The following PAX2 variants were observed in gnomAD, a reference collection of about 807,000 sequenced individuals.
PAX2 encodes the protein paired box 2, also known as paired box protein Pax-2.
A neutral mutation model predicts 41.7 loss-of-function variants in PAX2; 9 were observed. The ratio of observed to expected loss-of-function variants is 0.22; its 90% confidence interval spans 0.13 to 0.38. PAX2 has a LOEUF of 0.38. Ranked by LOEUF, PAX2 falls within the 10% of genes least tolerant of loss-of-function variation. PAX2 has a pLI of 1.00. For synonymous variants in PAX2, 221 were observed against 212.7 expected (o/e 1.04, Z -0.34); for missense variants, 418 against 531.6 (o/e 0.79, Z 2.10).
Position 100,747,669 on chromosome 10 carries a change from G to A in PAX2, c.43+1366G>A, listed in dbSNP as rs561809890. ...ATATATTTAGCGTTGCGGGGGTTGG[G>A]GGGGGCGTTTAAAAATACTTCTGGG... On this transcript the variant is annotated intron_variant, in intron 1 of 9. Coordinates refer to ENST00000355243, the MANE Select transcript of PAX2 (RefSeq NM_000278.5). 71 of 984,750 alleles carry A rather than the reference G, an allele frequency of 7.2e-5. No individual in the cohort carries two copies. The Middle Eastern group carries it at 2.1e-3, about 29-fold the overall frequency. The allele number at this position is 984,750 out of a possible 1,614,324, so 61.0% of individuals were successfully genotyped here. A position where few individuals can be genotyped will look rare whatever the true frequency, so the allele number is the denominator to read the frequency against.
chr10:100,777,097 A>G (rs1322802805), intron 3 of PAX2, among the ~76,000 whole-genome samples: 3 of 122,376 alleles, frequency 2.5e-5, no homozygotes, highest in Non-Finnish European at 5.1e-5. Context: ...TGGTACTGTG[A>G]TTTTTTTTTT....
intron 3 of PAX2, among the ~76,000 whole-genome samples, chr10:100,773,056 C>T (rs137875682): frequency 2.0e-5 from 3 of 152,296 alleles, no homozygotes; most frequent in Non-Finnish European, 2.9e-5. Context: ...GGGTGTCTCT[C>T]CCCTGGAGGC....
intron 3 of PAX2, among the ~76,000 whole-genome samples, chr10:100,756,802 C>T (rs773824857): frequency 1.4e-4 from 22 of 152,196 alleles, no homozygotes; most frequent in Admixed American, 7.2e-4. Flanking sequence ...ACACTTCCCC[C>T]GCCCCTCCAA....
At position 100,779,547 on chromosome 10, in the gene PAX2, G is replaced by T. The variant is rs778742674; in HGVS notation, c.460G>T (p.Ala154Ser). The T allele has an allele frequency of 6.3e-7, 1 of 1,596,386 alleles. No homozygotes were observed. Among genetic ancestry groups the T allele is most frequent in the Admixed American group, 1.7e-5 (1 of 57,582 alleles). Reference sequence around the variant, plus strand: ...GCCTTTCCACCCAACGCCGGATGGGGCTGGGACAGGAGTGACCGCCCCTGG... The same window carrying T: ...GCCTTTCCACCCAACGCCGGATGGGTCTGGGACAGGAGTGACCGCCCCTGG... ...QQPFHPTPDG[A>S]GTGVTAPGHT... Residue 154 changes from alanine (A) to serine (S), a missense_variant, in exon 4 of 10, where the codon GCT becomes TCT. Coordinates refer to ENST00000355243, the MANE Select transcript of PAX2 (RefSeq NM_000278.5).
intron 5 of PAX2, among the ~76,000 whole-genome samples, chr10:100,804,855 C>T (rs1471581224): frequency 6.6e-6 from 1 of 152,172 alleles, no homozygotes; most frequent in Non-Finnish European, 1.5e-5. Flanking sequence ...GCAGAAGAAA[C>T]CACAACCACC....
In PAX2 at chr10:100,746,395, G is replaced by C. The variant is rs909628917; in HGVS notation, c.43+92G>C. On this transcript the variant is annotated intron_variant, in intron 1 of 9. Coordinates refer to ENST00000355243, the MANE Select transcript of PAX2 (RefSeq NM_000278.5). ...CGTGGCCCCGGCCCCTCGCGCTCAG[G>C]TCCCATCTTGGAGGCCTCCCTGGCT... 11 of 903,912 alleles carry C rather than the reference G, an allele frequency of 1.2e-5. No individual in the cohort carries two copies. In the East Asian group the frequency reaches 2.6e-4, roughly 22 times the overall value. The allele number at this position is 903,912 out of a possible 1,614,324, so 56.0% of individuals were successfully genotyped here. A position where few individuals can be genotyped will look rare whatever the true frequency, so the allele number is the denominator to read the frequency against.
intron 1 of PAX2, among the ~76,000 whole-genome samples, chr10:100,736,708 C>T (rs1564699294): frequency 6.6e-6 from 1 of 152,106 alleles, no homozygotes; most frequent in Non-Finnish European, 1.5e-5. Flanking sequence ...AATTCCCCTC[C>T]TAGGGCCTTG....
chr10:100,799,120 A>G (rs886106785), intron 5 of PAX2, among the ~76,000 whole-genome samples: 1 of 152,180 alleles, frequency 6.6e-6, no homozygotes, highest in Non-Finnish European at 1.5e-5. Flanking sequence ...CAGAGAGAGC[A>G]CCTTCTGAGC....
At chr10:100,781,434 C>T (rs947746574) in intron 5 of PAX2, 69 bp downstream of exon 5, 31 of 1,558,906 alleles carry the variant, frequency 2.0e-5, no homozygotes, top group East Asian at 1.6e-4. Context: ...GCTCCGGTTT[C>T]GGCCTGGCCT....
rs60896393 is a variant in PAX2, at chr10:100,769,626, G to GAATAAAATAAAATAAAATAA, written c.411-9844_411-9825dup. Among the ~76,000 whole-genome samples, 523 of 126,958 alleles carry GAATAAAATAAAATAAAATAA rather than the reference G, an allele frequency of 4.1e-3. 8 individuals carry two copies. Among genetic ancestry groups the GAATAAAATAAAATAAAATAA allele is most frequent in the African/African-American group, 0.012 (411 of 34,404 alleles). The allele number at this position is 126,958 out of a possible 152,430, so 83.3% of individuals were successfully genotyped here. On this transcript the variant is annotated intron_variant, in intron 3 of 9. Coordinates refer to ENST00000355243, the MANE Select transcript of PAX2 (RefSeq NM_000278.5). ...ACAGTGTGAGACTCCATCTCAAAAAGAATAAAATAAAATAAAATAAAATAA... is the reference window on the plus strand; with the variant it reads ...ACAGTGTGAGACTCCATCTCAAAAAGAATAAAATAAAATAAAATAAAATAAAATAAAATAAAATAAAATAA...
intron 3 of PAX2, among the ~76,000 whole-genome samples, chr10:100,768,684 A>G (rs1846105374): frequency 6.6e-6 from 1 of 152,204 alleles, no homozygotes; most frequent in Non-Finnish European, 1.5e-5. Flanking sequence ...TAAATTTCCC[A>G]AAAAGATCAA....
At chr10:100,767,066 G>A (rs575263670) in intron 3 of PAX2, among the ~76,000 whole-genome samples, 42 of 152,226 alleles carry the variant, frequency 2.8e-4, no homozygotes, top group African/African-American at 8.9e-4. Flanking sequence ...GCTAGCTGCC[G>A]GAATGCGTCA....
Position 100,805,001 on chromosome 10 carries a change from C to CTCTCTCTCTCTCTCTCTCCT in PAX2, c.617-1411_617-1410insCTTCTCTCTCTCTCTCTCTC, listed in dbSNP as rs1218036207. 3.5e-3 allele frequency among the ~76,000 whole-genome samples: 224 copies of CTCTCTCTCTCTCTCTCTCCT among 64,256 alleles called. 4 individuals carry two copies. Among genetic ancestry groups the CTCTCTCTCTCTCTCTCTCCT allele is most frequent in the African/African-American group, 0.022 (210 of 9,480 alleles). The allele number at this position is 64,256 out of a possible 152,430, so 42.2% of individuals were successfully genotyped here. Reference sequence around the variant, plus strand: ...CTTCTCTCTCTCTCTCTCTCTCCTTCTCTCTCTCTCTCTCTCTCACATACA... The same window carrying CTCTCTCTCTCTCTCTCTCCT: ...CTTCTCTCTCTCTCTCTCTCTCCTTCTCTCTCTCTCTCTCTCTCCTTCTCTCTCTCTCTCTCTCACATACA... On this transcript the variant is annotated intron_variant, in intron 5 of 9. Coordinates refer to ENST00000355243, the MANE Select transcript of PAX2 (RefSeq NM_000278.5).
Position 100,826,916 on chromosome 10 carries a change from G to A in PAX2, c.1022-93G>A. 2.3e-6 allele frequency: 2 copies of A among 855,726 alleles called. No homozygotes were observed. The highest frequency in any genetic ancestry group is 2.7e-5 in the South Asian group (2 of 74,134). The allele number at this position is 855,726 out of a possible 1,614,324, so 53.0% of individuals were successfully genotyped here. A position where few individuals can be genotyped will look rare whatever the true frequency, so the allele number is the denominator to read the frequency against. On this transcript the variant is annotated intron_variant, in intron 8 of 9. Coordinates refer to ENST00000355243, the MANE Select transcript of PAX2 (RefSeq NM_000278.5). This position sits in a 1 kb window ranked among gnomAD's most constrained non-coding sequence, Gnocchi z 5.5. ...CCGCGACACCTGCGCCTGAGACCCG[G>A]CGGGAGGAGCGGGCGGAGAAGCCAC...
chr10:100,743,660 T>C (rs1355391485), upstream of PAX2, among the ~76,000 whole-genome samples: 1 of 152,252 alleles, frequency 6.6e-6, no homozygotes, highest in Non-Finnish European at 1.5e-5. Context: ...CACTCTGGCC[T>C]GGGAGCTGTT....
rs1220029287 is a variant in PAX2, at chr10:100,791,723, G to C, written c.616+10358G>C. On this transcript the variant is annotated intron_variant, in intron 5 of 9. Coordinates refer to ENST00000355243, the MANE Select transcript of PAX2 (RefSeq NM_000278.5). This position sits in a 1 kb window ranked among gnomAD's most constrained non-coding sequence, Gnocchi z 4.5. ...GGGAAGCCTGGGATGGAGGGATGGG[G>C]ACAGTAGGTTTGGTAGGAGTGACTC... Among the ~76,000 whole-genome samples, 3 of 152,172 alleles carry C rather than the reference G, an allele frequency of 2.0e-5. No homozygotes were observed. The highest frequency in any genetic ancestry group is 4.4e-5 in the Non-Finnish European group (3 of 68,012).
intron 4 of PAX2, 27 bp from the exon 5 acceptor site, chr10:100,781,219 T>C: frequency 1.2e-6 from 2 of 1,613,776 alleles, no homozygotes; most frequent in Non-Finnish European, 1.7e-6. Context: ...GCTATCCTGA[T>C]GCCATTTCCT....
At chr10:100,736,929 T>C (rs1844792307) in intron 1 of PAX2, among the ~76,000 whole-genome samples, 1 of 152,232 alleles carries the variant, frequency 6.6e-6, no homozygotes, top group Non-Finnish European at 1.5e-5. Context: ...AGCCCATCTG[T>C]GCACCCCCTC....
chr10:100,822,751 A>G (rs1037246232), intron 7 of PAX2, among the ~76,000 whole-genome samples: 3 of 152,244 alleles, frequency 2.0e-5, no homozygotes, highest in African/African-American at 4.8e-5. Flanking sequence ...AGAAAAGGTC[A>G]TGGCAAAAGC....
Sources: gnomAD v4.1 joint callset for allele counts (sites outside exome capture counted in the v4.1 genomes callset) on GRCh38, gnomAD v4.1.1 for gene constraint, Gnocchi (gnomAD v3.1) non-coding constraint, MANE v1.5 for transcripts, NCBI Gene and HGNC (gene_info 2026-07-23, HGNC 2026-07-21) for gene names.